NFIA: variants seen among roughly 807,000 people sequenced by gnomAD.
The protein encoded by NFIA is nuclear factor I A.
Under a neutral mutation model 62.8 loss-of-function variants are expected in NFIA, and 8 were observed. That is an observed-to-expected ratio of 0.13 (90% CI 0.07 to 0.23). NFIA has a LOEUF of 0.23. Among genes scored for constraint, NFIA ranks in the 10% least tolerant of loss-of-function variants. NFIA has a pLI of 1.00. For missense variants in NFIA, 410 were observed against 642.1 expected (o/e 0.64, Z 3.91); for synonymous variants, 235 against 238.1 (o/e 0.99, Z 0.12).
intron 3 of NFIA, among the ~76,000 whole-genome samples, chr1:61,323,753 A>G (rs377058020): frequency 2.6e-5 from 4 of 152,234 alleles, no homozygotes; most frequent in East Asian, 1.9e-4. Context: ...TGAGCTAACA[A>G]AAATTTACAT....
chr1:61,429,819 A>G (rs1223741055), intron 10 of NFIA, among the ~76,000 whole-genome samples: 8 of 152,236 alleles, frequency 5.3e-5, no homozygotes, highest in African/African-American at 1.9e-4. Context: ...GCCAGTCACA[A>G]CAAAATAAAT....
chr1:61,161,005 C>T (rs1649161585), intron 2 of NFIA, among the ~76,000 whole-genome samples: 1 of 152,192 alleles, frequency 6.6e-6, no homozygotes, highest in African/African-American at 2.4e-5. Context: ...ACCTCTGCCT[C>T]CCAGGTTCAA....
At chr1:61,087,932 GTTTTT>G (rs1646247315) in intron 1 of NFIA, among the ~76,000 whole-genome samples, 2 of 152,208 alleles carry the variant, frequency 1.3e-5, no homozygotes, top group Non-Finnish European at 1.5e-5. Context: ...ATTTTCAGCA[GTTTTT>G]TTATTTCCGA....
chr1:61,183,384 G>C (rs1340921474), intron 2 of NFIA, among the ~76,000 whole-genome samples: 1 of 152,194 alleles, frequency 6.6e-6, no homozygotes, highest in Non-Finnish European at 1.5e-5. Context: ...AGTGGTGGCA[G>C]GGTGGTTTGG....
intron 9 of NFIA, 106 bp from the exon 10 acceptor site, chr1:61,426,359 T>C: frequency 1.3e-6 from 1 of 765,064 alleles, no homozygotes; most frequent in South Asian, 1.6e-5. Flanking sequence ...GTTTGCACAT[T>C]TCCTTGTTAA....
At chr1:61,115,767 T>C (rs1410836539) in intron 2 of NFIA, among the ~76,000 whole-genome samples, 1 of 152,228 alleles carries the variant, frequency 6.6e-6, no homozygotes, top group Non-Finnish European at 1.5e-5. Flanking sequence ...ATTTGTCCAC[T>C]TGCCCTTGCC....
chr1:61,077,689 T>G (rs567653000), upstream of NFIA: 1 of 1,306,224 alleles, frequency 7.7e-7, no homozygotes, highest in East Asian at 2.6e-5. Flanking sequence ...TTATAAACAA[T>G]GGTAGAATGA....
chr1:61,331,278 G>T (rs1661286694), intron 3 of NFIA, among the ~76,000 whole-genome samples: 1 of 152,108 alleles, frequency 6.6e-6, no homozygotes. Flanking sequence ...AATTTCTTAT[G>T]CAAAAATCCA....
chr1:61,150,238 A>G (rs1362987993), intron 2 of NFIA, among the ~76,000 whole-genome samples: 1 of 152,202 alleles, frequency 6.6e-6, no homozygotes, highest in Non-Finnish European at 1.5e-5. Flanking sequence ...GTCCCTTTAG[A>G]TCAATGTGTC....
intron 3 of NFIA, among the ~76,000 whole-genome samples, chr1:61,296,571 C>T (rs1390968879): frequency 3.9e-5 from 6 of 151,924 alleles, no homozygotes; most frequent in Admixed American, 3.9e-4. Flanking sequence ...TTTCTTAAGC[C>T]ACTGGTCTAA....
chr1:61,268,284 C>G (rs1300481607), intron 2 of NFIA, among the ~76,000 whole-genome samples: 1 of 152,164 alleles, frequency 6.6e-6, no homozygotes, highest in Non-Finnish European at 1.5e-5. Context: ...TACTCCTATC[C>G]TTTCACAGAA....
intron 2 of NFIA, among the ~76,000 whole-genome samples, chr1:61,093,230 C>G (rs1250971757): frequency 6.6e-6 from 1 of 151,976 alleles, no homozygotes; most frequent in Non-Finnish European, 1.5e-5. Flanking sequence ...TGTAATTAAA[C>G]TTTTTCAGTA....
At chr1:61,213,072 C>T (rs1404676268) in intron 2 of NFIA, among the ~76,000 whole-genome samples, 2 of 152,098 alleles carry the variant, frequency 1.3e-5, no homozygotes, top group African/African-American at 4.8e-5. Flanking sequence ...GCAGTTGGAT[C>T]AATTGCAGTG....
intron 2 of NFIA, among the ~76,000 whole-genome samples, chr1:61,217,426 G>A (rs1372610035): frequency 4.6e-5 from 7 of 152,034 alleles, no homozygotes; most frequent in Non-Finnish European, 1.0e-4. Flanking sequence ...ACATAATTAT[G>A]CCCAGAAGAG....
intron 2 of NFIA, among the ~76,000 whole-genome samples, chr1:61,255,582 T>C (rs571312823): frequency 6.6e-6 from 1 of 152,330 alleles, no homozygotes; most frequent in South Asian, 2.1e-4. Flanking sequence ...GTAAACTGTT[T>C]GAAATGTGGT....
At chr1:61,176,965 G>A (rs911544512) in intron 2 of NFIA, among the ~76,000 whole-genome samples, 46 of 152,078 alleles carry the variant, frequency 3.0e-4, no homozygotes, top group African/African-American at 1.1e-3. Context: ...AATTAGCTGG[G>A]CATGGTGGCG....
At chr1:61,218,722 T>G (rs1392527995) in intron 2 of NFIA, among the ~76,000 whole-genome samples, 1 of 152,230 alleles carries the variant, frequency 6.6e-6, no homozygotes, top group African/African-American at 2.4e-5. Context: ...ATCATTTCAG[T>G]GGGCGTATAG....
chr1:61,315,191 G>C lies in NFIA; in HGVS notation c.626-17321G>C, dbSNP rs191937621. Among the ~76,000 whole-genome samples, 49 of 152,232 alleles carry C rather than the reference G, an allele frequency of 3.2e-4. No homozygotes were observed. The East Asian group carries it at 8.5e-3, about 26-fold the overall frequency. ...TGGCTTCACCAGCTGTGGCCAGAAGGGCTCCATGTTCAAATTAGCTACAAA... is the reference window on the plus strand; with the variant it reads ...TGGCTTCACCAGCTGTGGCCAGAAGCGCTCCATGTTCAAATTAGCTACAAA... On this transcript the variant is annotated intron_variant, in intron 3 of 10. Coordinates refer to ENST00000403491, the MANE Select transcript of NFIA (RefSeq NM_001134673.4).
At chr1:61,424,242 A>G (rs970890047) in intron 9 of NFIA, among the ~76,000 whole-genome samples, 2 of 152,120 alleles carry the variant, frequency 1.3e-5, no homozygotes, top group African/African-American at 4.8e-5. Context: ...TCAAATGGAG[A>G]AATTGAGGTT....
Sources: gnomAD v4.1 joint callset for allele counts (sites outside exome capture counted in the v4.1 genomes callset) on GRCh38, gnomAD v4.1.1 for gene constraint, MANE v1.5 for transcripts, NCBI Gene and HGNC (gene_info 2026-07-23, HGNC 2026-07-21) for gene names.